Variants in STPG2 observed in about 807,000 individuals in gnomAD.
The protein encoded by STPG2 is sperm-tail PG-rich repeat-containing protein 2.
Under a neutral mutation model 54.2 loss-of-function variants are expected in STPG2, and 56 were observed. The ratio of observed to expected loss-of-function variants is 1.03; its 90% confidence interval spans 0.83 to 1.29. The LOEUF is 1.29. STPG2 is among the 50% of genes most tolerant of loss of function. The pLI is 0.00. For missense variants in STPG2, 596 were observed against 544.9 expected (o/e 1.09, Z -0.93); for synonymous variants, 200 against 181.8 (o/e 1.10, Z -0.81).
At chr4:97,714,634 A>T (rs571275957) in intron 9 of STPG2, among the ~76,000 whole-genome samples, 1 of 152,282 alleles carries the variant, frequency 6.6e-6, no homozygotes, top group East Asian at 1.9e-4. Flanking sequence ...TTATATTTAT[A>T]GTGCAGAGGA....
intron 4 of STPG2, among the ~76,000 whole-genome samples, chr4:97,530,580 T>C (rs1731392894): frequency 6.6e-6 from 1 of 152,190 alleles, no homozygotes; most frequent in Non-Finnish European, 1.5e-5. Flanking sequence ...TCAATATTTT[T>C]TAAAAATCAA....
At chr4:97,522,974 A>C (rs1731211999) in intron 4 of STPG2, among the ~76,000 whole-genome samples, 1 of 152,026 alleles carries the variant, frequency 6.6e-6, no homozygotes, top group Admixed American at 6.6e-5. Flanking sequence ...GTACCACCTA[A>C]GACATTTGTC....
chr4:97,512,687 T>A (rs1323819676), intron 4 of STPG2, among the ~76,000 whole-genome samples: 2 of 151,956 alleles, frequency 1.3e-5, no homozygotes, highest in East Asian at 1.9e-4. Context: ...CGAAAGAGTA[T>A]CTTCATGGTT....
chr4:97,520,613 G>T (rs192557300), intron 4 of STPG2, among the ~76,000 whole-genome samples: 1 of 152,060 alleles, frequency 6.6e-6, no homozygotes, highest in East Asian at 1.9e-4. Context: ...TAAGTTCCTG[G>T]TCTAGAATAT....
chr4:97,563,244 T>C (rs1732311642), intron 10 of STPG2, among the ~76,000 whole-genome samples: 1 of 152,206 alleles, frequency 6.6e-6, no homozygotes, highest in Admixed American at 6.5e-5. Flanking sequence ...GTGTTTGTAG[T>C]ATTCCCTGAT....
At chr4:97,477,781 C>T (rs1035015316) in intron 4 of STPG2, among the ~76,000 whole-genome samples, 34 of 151,928 alleles carry the variant, frequency 2.2e-4, no homozygotes, top group Non-Finnish European at 2.6e-4. Flanking sequence ...TGAGGAACCG[C>T]GCCTGGCCTC....
chr4:98,137,717 CT>C (rs1740173426), intron 1 of STPG2, among the ~76,000 whole-genome samples: 1 of 150,800 alleles, frequency 6.6e-6, no homozygotes, highest in Non-Finnish European at 1.5e-5. Context: ...TTGCAGAGTA[CT>C]GAAATTCATA....
At chr4:97,979,789 A>C (rs1318066928) in intron 6 of STPG2, among the ~76,000 whole-genome samples, 1 of 148,982 alleles carries the variant, frequency 6.7e-6, no homozygotes, top group African/African-American at 2.5e-5. Flanking sequence ...CAGTGGCACT[A>C]TCTCGGCTCA....
intron 9 of STPG2, among the ~76,000 whole-genome samples, chr4:97,815,568 T>C (rs1727882769): frequency 6.6e-6 from 1 of 152,208 alleles, no homozygotes; most frequent in East Asian, 1.9e-4. Context: ...TAACATAAGA[T>C]GTAATGACTT....
chr4:97,839,541 C>A (rs528643066), intron 9 of STPG2, among the ~76,000 whole-genome samples: 1 of 151,556 alleles, frequency 6.6e-6, no homozygotes, highest in Non-Finnish European at 1.5e-5. Flanking sequence ...GGTGATGGTG[C>A]TGAAACTTCA....
intron 5 of STPG2, among the ~76,000 whole-genome samples, chr4:98,052,541 T>G (rs1737355446): frequency 6.6e-6 from 1 of 152,190 alleles, no homozygotes; most frequent in Admixed American, 6.5e-5. Flanking sequence ...ATTAAATATG[T>G]TTTTATGTTT....
At chr4:97,636,870 A>G (rs1384847038) in intron 10 of STPG2, among the ~76,000 whole-genome samples, 5 of 151,642 alleles carry the variant, frequency 3.3e-5, no homozygotes, top group Non-Finnish European at 5.9e-5. Context: ...AACCAAAAAG[A>G]GTCCAGGACC....
chr4:97,676,645 C>T (rs1037586339), intron 10 of STPG2, among the ~76,000 whole-genome samples: 3 of 152,014 alleles, frequency 2.0e-5, no homozygotes, highest in African/African-American at 7.2e-5. Context: ...AAAACCCTTG[C>T]CCTGGTTTCA....
At chr4:97,828,328 T>C (rs1578599456) in intron 9 of STPG2, among the ~76,000 whole-genome samples, 1 of 152,184 alleles carries the variant, frequency 6.6e-6, no homozygotes, top group African/African-American at 2.4e-5. Context: ...CATGAGGGAC[T>C]GTGCTGTGAG....
chr4:98,079,174 C>G (rs1738262477), intron 5 of STPG2, among the ~76,000 whole-genome samples: 4 of 152,102 alleles, frequency 2.6e-5, no homozygotes, highest in Admixed American at 2.6e-4. Flanking sequence ...AAACTGTTTA[C>G]AAATATTAAT....
chr4:97,542,725 G>T (rs1057317759), intron 4 of STPG2, among the ~76,000 whole-genome samples: 1 of 152,078 alleles, frequency 6.6e-6, no homozygotes, highest in Non-Finnish European at 1.5e-5. Context: ...GAACCGAAAT[G>T]TCCAACAATG....
intron 8 of STPG2, among the ~76,000 whole-genome samples, chr4:97,924,296 G>A (rs1024402414): frequency 2.6e-5 from 4 of 152,288 alleles, no homozygotes; most frequent in African/African-American, 9.6e-5. Context: ...ACCAATTCCA[G>A]ACACAATAGG....
intron 3 of STPG2, among the ~76,000 whole-genome samples, chr4:98,118,563 G>T (rs145595006): frequency 2.0e-3 from 302 of 152,192 alleles, no homozygotes; most frequent in African/African-American, 7.2e-3. Context: ...AACAGACAAA[G>T]AAGAAGTATA....
intron 5 of STPG2, among the ~76,000 whole-genome samples, chr4:98,088,672 G>GAAA (rs61146705): frequency 8.0e-6 from 1 of 125,376 alleles, no homozygotes; most frequent in Non-Finnish European, 1.7e-5. Context: ...TCCTTTAGGG[G>GAAA]AAAAAAAAAA....
Sources: allele counts gnomAD v4.1 joint callset (sites outside exome capture counted in the v4.1 genomes callset), GRCh38; gene constraint gnomAD v4.1.1; transcripts MANE v1.5; gene names NCBI Gene and HGNC (gene_info 2026-07-23, HGNC 2026-07-21).